Variants in PGCKA1 observed in about 807,000 individuals in gnomAD.
The protein encoded by PGCKA1 is PDCD10 and GCKIII kinases-associated protein 1.
the PGCKA1 span, among the ~76,000 whole-genome samples, chr4:37,512,121 T>C: frequency 1.3e-5 from 2 of 152,316 alleles, no homozygotes; most frequent in South Asian, 4.1e-4. Flanking sequence ...AATGGTGGTG[T>C]CAGCAATTCA....
chr4:37,534,061 T>G, the PGCKA1 span, among the ~76,000 whole-genome samples: 10 of 152,236 alleles, frequency 6.6e-5, no homozygotes, highest in African/African-American at 2.4e-4. Flanking sequence ...AATGCTTTTT[T>G]TTCTGTTTGG....
the PGCKA1 span, among the ~76,000 whole-genome samples, chr4:37,546,115 T>C: frequency 3.3e-5 from 5 of 152,200 alleles, no homozygotes; most frequent in Non-Finnish European, 7.3e-5. Context: ...GTTGAAATTA[T>C]ACTTTGTACC....
the PGCKA1 span, among the ~76,000 whole-genome samples, chr4:37,544,674 A>G: frequency 2.0e-5 from 3 of 151,736 alleles, no homozygotes; most frequent in Non-Finnish European, 4.4e-5. Context: ...AAAAAAAAAC[A>G]TAGCTTTCAG....
chr4:37,538,231 C>G, the PGCKA1 span, among the ~76,000 whole-genome samples: 1 of 152,210 alleles, frequency 6.6e-6, no homozygotes, highest in African/African-American at 2.4e-5. Context: ...GCACCACAGC[C>G]GCAGTGACTT....
the PGCKA1 span, among the ~76,000 whole-genome samples, chr4:37,498,435 G>T: frequency 6.6e-6 from 1 of 152,082 alleles, no homozygotes; most frequent in African/African-American, 2.4e-5. Flanking sequence ...TTCTAACTCT[G>T]TGAAGAATGA....
chr4:37,453,892 C>T, the PGCKA1 span: 2 of 152,346 alleles, frequency 1.3e-5, no homozygotes, highest in African/African-American at 4.8e-5. Context: ...CGCGCGGGCC[C>T]AATGACAGCG....
the PGCKA1 span, among the ~76,000 whole-genome samples, chr4:37,552,349 G>T: frequency 6.6e-6 from 1 of 152,238 alleles, no homozygotes; most frequent in East Asian, 1.9e-4. Context: ...GACAGAAATT[G>T]TGCACTTGGG....
At chr4:37,460,903 C>T in the PGCKA1 span, 1 of 400,402 alleles carries the variant, frequency 2.5e-6, no homozygotes, top group Non-Finnish European at 4.8e-6. Flanking sequence ...ATCATAAAAT[C>T]TTTGCCCATG....
chr4:37,577,288 A>G, the PGCKA1 span, among the ~76,000 whole-genome samples: 1 of 152,164 alleles, frequency 6.6e-6, no homozygotes. Flanking sequence ...GGATTTCTTC[A>G]TCTTCAATCT....
chr4:37,500,130 T>C, the PGCKA1 span, among the ~76,000 whole-genome samples: 1 of 152,080 alleles, frequency 6.6e-6, no homozygotes, highest in Non-Finnish European at 1.5e-5. Flanking sequence ...TTCACTGTGT[T>C]AGCCAGGATG....
At chr4:37,587,009 G>T in the PGCKA1 span, among the ~76,000 whole-genome samples, 22 of 152,144 alleles carry the variant, frequency 1.4e-4, no homozygotes, top group African/African-American at 4.3e-4. Context: ...TGATCCAGGG[G>T]TGGGTATCAG....
the PGCKA1 span, among the ~76,000 whole-genome samples, chr4:37,470,708 C>A: frequency 1.1e-4 from 17 of 152,076 alleles, no homozygotes; most frequent in African/African-American, 4.1e-4. Context: ...ACCGGAGCTA[C>A]CTTAGTTATA....
At chr4:37,467,649 C>A in the PGCKA1 span, among the ~76,000 whole-genome samples, 1 of 152,186 alleles carries the variant, frequency 6.6e-6, no homozygotes, top group African/African-American at 2.4e-5. Context: ...AAGACTAGAA[C>A]CAAGGGATAT....
the PGCKA1 span, among the ~76,000 whole-genome samples, chr4:37,468,725 T>A: frequency 6.9e-6 from 1 of 143,898 alleles, no homozygotes; most frequent in Non-Finnish European, 1.6e-5. Context: ...ATCTGCTTGA[T>A]GTTTTAGACT....
chr4:37,545,404 T>G, the PGCKA1 span, among the ~76,000 whole-genome samples: 1 of 152,180 alleles, frequency 6.6e-6, no homozygotes, highest in East Asian at 1.9e-4. Flanking sequence ...ATTCTTTGGC[T>G]GAGACGGAAA....
chr4:37,544,235 T>G, the PGCKA1 span, among the ~76,000 whole-genome samples: 3 of 152,002 alleles, frequency 2.0e-5, no homozygotes, highest in Non-Finnish European at 2.9e-5. Context: ...TATCATTGAG[T>G]TTTTTTTGTT....
At chr4:37,453,546 G>A in the PGCKA1 span, among the ~76,000 whole-genome samples, 1 of 152,124 alleles carries the variant, frequency 6.6e-6, no homozygotes, top group Non-Finnish European at 1.5e-5. Flanking sequence ...TCGGGGTTTG[G>A]GAGTACACAA....
chr4:37,589,407 A>C, the PGCKA1 span, among the ~76,000 whole-genome samples: 1 of 152,210 alleles, frequency 6.6e-6, no homozygotes, highest in South Asian at 2.1e-4. Context: ...GCTTTATTCA[A>C]AAACTATGTA....
chr4:37,565,142 T>C, the PGCKA1 span, among the ~76,000 whole-genome samples: 2 of 152,130 alleles, frequency 1.3e-5, no homozygotes, highest in Non-Finnish European at 2.9e-5. Context: ...TCTGGGAGGC[T>C]GGGGAGTGTG....
Sources: gnomAD v4.1 joint callset for allele counts (sites outside exome capture counted in the v4.1 genomes callset) on GRCh38, gnomAD v4.1.1 for gene constraint, MANE v1.5 for transcripts, NCBI Gene and HGNC (gene_info 2026-07-23, HGNC 2026-07-21) for gene names.